The following PLEKHA8 variants were observed in gnomAD, a reference collection of about 807,000 sequenced individuals.
PLEKHA8 encodes the protein pleckstrin homology domain-containing family A member 8.
A neutral mutation model predicts 68.2 loss-of-function variants in PLEKHA8; 36 were observed. The ratio of observed to expected loss-of-function variants is 0.53; its 90% confidence interval spans 0.40 to 0.70. The LOEUF (loss-of-function observed/expected upper bound fraction) is 0.70. Among genes scored for constraint, PLEKHA8 ranks in the 30% least tolerant of loss-of-function variants. The pLI is 0.00. For missense variants in PLEKHA8, 505 were observed against 615.4 expected, an observed-to-expected ratio of 0.82 and a Z score of 1.90; for synonymous variants, 211 against 216.1, an observed-to-expected ratio of 0.98 and a Z score of 0.20.
rs527407097 is a variant in PLEKHA8 at position 30,079,305 on chromosome 7, G to C, written c.*518G>C. 1.0e-6 allele frequency: 1 copy of C among 988,276 alleles called. No homozygotes were observed. The highest frequency in any genetic ancestry group is 1.7e-5 in the African/African-American group (1 of 57,338). 61.2% of individuals were successfully genotyped at this position (988,276 alleles called of 1,614,324 possible). A position where few individuals can be genotyped will look rare whatever the true frequency, so the allele number is the denominator to read the frequency against. The stretch of plus-strand genomic sequence containing the variant: ...TCACTGCAACTCTGTCAGTGATAAG[G>C]GCCTGTGTAGTAAAGATGTTCAGGG... On this transcript the variant is annotated 3_prime_UTR_variant, in exon 14 of 14. Transcript: ENST00000449726.
chr7:30,119,380 T>C (rs1201266081), intron 13 of PLEKHA8, among the ~76,000 whole-genome samples: 2 of 152,270 alleles, frequency 1.3e-5, no homozygotes, highest in East Asian at 3.9e-4. Context: ...AGCTAGTACA[T>C]GAAAGCTCAG....
chr7:30,058,277 A>T (rs1793151781), intron 9 of PLEKHA8, among the ~76,000 whole-genome samples: 1 of 152,118 alleles, frequency 6.6e-6, no homozygotes, highest in South Asian at 2.1e-4. Context: ...ATGCCTTTTC[A>T]GAAGTTTTAA....
At chr7:30,096,573 T>C (rs916417140) in intron 13 of PLEKHA8, among the ~76,000 whole-genome samples, 97 of 152,088 alleles carry the variant, frequency 6.4e-4, no homozygotes, top group Non-Finnish European at 1.0e-4. Context: ...TGAATAGGAG[T>C]GGTGAGAGAG....
intron 11 of PLEKHA8, among the ~76,000 whole-genome samples, chr7:30,062,397 C>T (rs1202140629): frequency 6.6e-6 from 1 of 152,142 alleles, no homozygotes; most frequent in East Asian, 1.9e-4. Context: ...ATTTGCATTT[C>T]TAGCAAATTC....
rs540284621 is a variant in PLEKHA8 at position 30,116,067 on chromosome 7, T to C, written c.1363-13199T>C. The stretch of plus-strand genomic sequence containing the variant: ...ATACGCATACATACGTATGCATACG[T>C]ATACATGTATACATACGCATACATA... On this transcript the variant is annotated intron_variant, in intron 13 of 13. Coordinates refer to the PLEKHA8 transcript ENST00000396257. The C allele has an allele frequency of 4.5e-4, 61 of 136,634 alleles. 7 individuals are homozygous for C. The highest frequency in any genetic ancestry group is 9.5e-4 in the African/African-American group (34 of 35,822). The allele number at this position is 136,634 out of a possible 1,614,324, so 8.5% of individuals were successfully genotyped here. A position where few individuals can be genotyped will look rare whatever the true frequency, so the allele number is the denominator to read the frequency against.
chr7:30,098,160 C>T (rs1295775761), intron 13 of PLEKHA8, among the ~76,000 whole-genome samples: 4 of 152,288 alleles, frequency 2.6e-5, no homozygotes, highest in South Asian at 2.1e-4. Flanking sequence ...GAACCGCAAA[C>T]GCTGCTGCCT....
At chr7:30,078,018 A>G (rs1794718245) in intron 13 of PLEKHA8, among the ~76,000 whole-genome samples, 1 of 152,232 alleles carries the variant, frequency 6.6e-6, no homozygotes, top group Non-Finnish European at 1.5e-5. Flanking sequence ...GTTCTTATAA[A>G]GATCAGCTAG....
At chr7:30,106,782 G>T (rs62446727) in intron 13 of PLEKHA8, among the ~76,000 whole-genome samples, 1 of 152,102 alleles carries the variant, frequency 6.6e-6, no homozygotes, top group Non-Finnish European at 1.5e-5. Flanking sequence ...TTGAATGCAC[G>T]CAAATGAAGT....
chr7:30,105,335 AAAG>A (rs1255124924), intron 13 of PLEKHA8, among the ~76,000 whole-genome samples: 1 of 150,250 alleles, frequency 6.7e-6, no homozygotes, highest in Non-Finnish European at 1.5e-5. Flanking sequence ...AAAAAAAAAA[AAAG>A]CCATTCATGG....
chr7:30,082,989 G>GT lies in PLEKHA8; in HGVS notation c.*4206dup, dbSNP rs1795019849. On this transcript the variant is annotated 3_prime_UTR_variant, in exon 14 of 14. Transcript: ENST00000449726. ...CAGTTGCTTCTGATTTTAGTCACAG[G>GT]TTTTACAAGTATTCAGCTCTCCCTC... The GT allele has an allele frequency of 1.0e-6, 1 of 985,086 alleles. No homozygotes were observed. The allele number at this position is 985,086 out of a possible 1,614,324, so 61.0% of individuals were successfully genotyped here. A position where few individuals can be genotyped will look rare whatever the true frequency, so the allele number is the denominator to read the frequency against.
At chr7:30,094,275 C>CTTTTTTTTTTTTTTT (rs764501216), downstream of PLEKHA8, among the ~76,000 whole-genome samples, 1 of 138,260 alleles carries the variant, frequency 7.2e-6, no homozygotes, top group African/African-American at 2.6e-5. Context: ...CAAGTTTCTA[C>CTTTTTTTTTTTTTTT]TTTTTTTTTT....
chr7:30,081,759 T>TA lies in PLEKHA8; in HGVS notation c.*2974dup, dbSNP rs2128000383. ...GTCTACTAGGTATTGTAGACACAAA[T>TA]AAGTAACATTAGGCTAACCCCTTAT... On this transcript the variant is annotated 3_prime_UTR_variant, in exon 14 of 14. Transcript: ENST00000449726. 1.0e-6 allele frequency: 1 copy of TA among 985,372 alleles called. No homozygotes were observed. 61.0% of individuals were successfully genotyped at this position (985,372 alleles called of 1,614,324 possible).
chr7:30,070,536 C>T (rs956106262), intron 12 of PLEKHA8, among the ~76,000 whole-genome samples: 5 of 149,526 alleles, frequency 3.3e-5, no homozygotes, highest in African/African-American at 4.9e-5. Flanking sequence ...GGCATAGCAG[C>T]GAATCCAGAG....
At chr7:30,073,177 T>A (rs562845394) in intron 12 of PLEKHA8, among the ~76,000 whole-genome samples, 2 of 152,164 alleles carry the variant, frequency 1.3e-5, no homozygotes, top group Non-Finnish European at 1.5e-5. Flanking sequence ...TTAATATAGT[T>A]CTCACCAATT....
chr7:30,070,447 A>G (rs1381033688), intron 12 of PLEKHA8, among the ~76,000 whole-genome samples: 1 of 151,914 alleles, frequency 6.6e-6, no homozygotes, highest in Admixed American at 6.5e-5. Flanking sequence ...AGAAGAGGGC[A>G]TGGAAAAGAG....
Position 30,127,706 on chromosome 7 carries a change from GAACACTTATAGGAATGTAAA to G in PLEKHA8, c.1363-1557_1363-1538del, listed in dbSNP as rs1459636456. Among the ~76,000 whole-genome samples the G allele has an allele frequency of 5.3e-5, 8 of 152,186 alleles. No homozygotes were observed. In the East Asian group the frequency reaches 1.5e-3, roughly 29 times the overall value. On this transcript the variant is annotated intron_variant, in intron 13 of 13. Transcript: ENST00000396257. The stretch of plus-strand genomic sequence containing the variant: ...TTCATTATCTTTGAGCTCCTATATA[GAACACTTATAGGAATGTAAA>G]AAGTTCTTGTCTATAGAAATAAAAA...
intron 12 of PLEKHA8, chr7:30,090,139 G>T: frequency 6.5e-7 from 1 of 1,550,012 alleles, no homozygotes; most frequent in Non-Finnish European, 8.7e-7. Flanking sequence ...TTAAAAGAGT[G>T]CACTATGTTG....
intron 13 of PLEKHA8, among the ~76,000 whole-genome samples, chr7:30,108,083 A>AAAAAAAAAAAAAAAAAAAAAC (rs780069387): frequency 5.5e-5 from 8 of 144,454 alleles, no homozygotes; most frequent in Non-Finnish European, 9.2e-5. Context: ...AAAAAAAAAA[A>AAAAAAAAAAAAAAAAAAAAAC]AAAAAAAAAC....
At chr7:30,034,763 G>A (rs1277522596) in intron 1 of PLEKHA8, among the ~76,000 whole-genome samples, 1 of 152,094 alleles carries the variant, frequency 6.6e-6, no homozygotes, top group African/African-American at 2.4e-5. Flanking sequence ...TCAAACCCAT[G>A]GTATGCAAGG....
Sources: allele counts gnomAD v4.1 joint callset (sites outside exome capture counted in the v4.1 genomes callset), GRCh38; gene constraint gnomAD v4.1.1; transcripts MANE v1.5; gene names NCBI Gene and HGNC (gene_info 2026-07-23, HGNC 2026-07-21).